IGBP1C: variants seen among roughly 807,000 people sequenced by gnomAD.
IGBP1C encodes the protein immunoglobulin-binding protein 1 family member C.
chr17:58,685,606 A>C, the IGBP1C span, among the ~76,000 whole-genome samples: 1 of 151,976 alleles, frequency 6.6e-6, no homozygotes, highest in Non-Finnish European at 1.5e-5. Flanking sequence ...GCAAATGGGA[A>C]AGAGGAAAAG....
the IGBP1C span, among the ~76,000 whole-genome samples, chr17:58,678,388 C>T: frequency 6.6e-6 from 1 of 152,108 alleles, no homozygotes; most frequent in African/African-American, 2.4e-5. Context: ...ATGCTTATTG[C>T]AGCACTATTC....
At chr17:58,688,719 G>C in the IGBP1C span, among the ~76,000 whole-genome samples, 2 of 152,014 alleles carry the variant, frequency 1.3e-5, no homozygotes, top group African/African-American at 4.8e-5. Flanking sequence ...GTGTGACTCC[G>C]CAGCCCATGC....
At chr17:58,664,733 A>G in the IGBP1C span, among the ~76,000 whole-genome samples, 2 of 152,188 alleles carry the variant, frequency 1.3e-5, no homozygotes, top group African/African-American at 2.4e-5. Context: ...CCATTAAAAT[A>G]TATGTTAAAA....
At chr17:58,686,843 T>C in the IGBP1C span, among the ~76,000 whole-genome samples, 1 of 147,268 alleles carries the variant, frequency 6.8e-6, no homozygotes, top group Non-Finnish European at 1.5e-5. Context: ...CCAAACCCAC[T>C]TGAACATGAA....
chr17:58,691,106 T>G, the IGBP1C span, among the ~76,000 whole-genome samples: 1 of 151,956 alleles, frequency 6.6e-6, no homozygotes, highest in Admixed American at 6.6e-5. Context: ...TCCACCTGCC[T>G]CGACCTCCCA....
chr17:58,680,230 A>G, the IGBP1C span, among the ~76,000 whole-genome samples: 1 of 152,090 alleles, frequency 6.6e-6, no homozygotes, highest in African/African-American at 2.4e-5. Flanking sequence ...TGCGCAGTTA[A>G]ACAAGCTGCT....
At chr17:58,691,591 C>T in the IGBP1C span, among the ~76,000 whole-genome samples, 2 of 142,406 alleles carry the variant, frequency 1.4e-5, no homozygotes, top group South Asian at 2.4e-4. Context: ...CACTTGAACC[C>T]GGGAGGCGAA....
At chr17:58,682,240 A>G in the IGBP1C span, among the ~76,000 whole-genome samples, 1 of 148,934 alleles carries the variant, frequency 6.7e-6, no homozygotes, top group Non-Finnish European at 1.5e-5. Context: ...TGGAACCACC[A>G]TGCCCAGGCC....
At chr17:58,681,459 G>T in the IGBP1C span, among the ~76,000 whole-genome samples, 4 of 152,042 alleles carry the variant, frequency 2.6e-5, no homozygotes, top group Admixed American at 6.6e-5. Flanking sequence ...CCTTTTCAAA[G>T]AAGTATTATG....
the IGBP1C span, among the ~76,000 whole-genome samples, chr17:58,687,746 A>G: frequency 1.3e-5 from 2 of 152,222 alleles, no homozygotes; most frequent in African/African-American, 4.8e-5. Context: ...GAAACAGCCT[A>G]GTCAACCTGA....
chr17:58,662,417 A>T, the IGBP1C span, among the ~76,000 whole-genome samples: 1,354 of 37,004 alleles, frequency 0.037, 20 homozygotes, highest in African/African-American at 0.097. Flanking sequence ...CACATATCTC[A>T]CACACACACA....
the IGBP1C span, among the ~76,000 whole-genome samples, chr17:58,673,891 G>A: frequency 3.3e-5 from 5 of 152,068 alleles, no homozygotes; most frequent in Non-Finnish European, 7.3e-5. Flanking sequence ...TTATAGTTAG[G>A]ACATATTATC....
At chr17:58,689,500 T>A in the IGBP1C span, among the ~76,000 whole-genome samples, 2 of 152,154 alleles carry the variant, frequency 1.3e-5, no homozygotes, top group African/African-American at 4.8e-5. Context: ...ATTACAGGAG[T>A]GAGCCACCGT....
chr17:58,669,496 G>A, the IGBP1C span, among the ~76,000 whole-genome samples: 1 of 152,136 alleles, frequency 6.6e-6, no homozygotes, highest in Admixed American at 6.5e-5. Context: ...ACTTTCGGAG[G>A]CCGAGGTTAA....
At chr17:58,681,326 G>A in the IGBP1C span, among the ~76,000 whole-genome samples, 1 of 152,040 alleles carries the variant, frequency 6.6e-6, no homozygotes, top group Non-Finnish European at 1.5e-5. Flanking sequence ...GAACATAGAG[G>A]TGTCTTAGAT....
the IGBP1C span, among the ~76,000 whole-genome samples, chr17:58,683,369 T>TC: frequency 5.2e-3 from 655 of 124,868 alleles, 5 homozygotes; most frequent in Middle Eastern, 0.015. Flanking sequence ...CAAGACTCCA[T>TC]CCCCCCCCCC....
At chr17:58,661,824 C>T in the IGBP1C span, 2 of 473,584 alleles carry the variant, frequency 4.2e-6, no homozygotes, top group Non-Finnish European at 7.4e-6. Flanking sequence ...TCTCTGTTTC[C>T]GTTTCCTAAA....
At chr17:58,690,996 G>A in the IGBP1C span, among the ~76,000 whole-genome samples, 59 of 152,124 alleles carry the variant, frequency 3.9e-4, 1 homozygote, top group East Asian at 0.011. Flanking sequence ...TGGGACGACC[G>A]GTGCATGCCA....
the IGBP1C span, among the ~76,000 whole-genome samples, chr17:58,690,133 AGAGTT>A: frequency 4.2e-4 from 64 of 151,478 alleles, no homozygotes; most frequent in Non-Finnish European, 8.1e-4. Context: ...AGCTATAGAT[AGAGTT>A]GAGTGGGGGT....
Sources: gnomAD v4.1 joint callset for allele counts (sites outside exome capture counted in the v4.1 genomes callset) on GRCh38, gnomAD v4.1.1 for gene constraint, MANE v1.5 for transcripts, NCBI Gene and HGNC (gene_info 2026-07-23, HGNC 2026-07-21) for gene names.